MYO1D: variants seen among roughly 807,000 people sequenced by gnomAD.
MYO1D encodes the protein myosin ID.
Under a neutral mutation model 122.0 loss-of-function variants are expected in MYO1D, and 83 were observed. The ratio of observed to expected loss-of-function variants is 0.68; its 90% CI spans 0.57 to 0.82. The LOEUF (loss-of-function observed/expected upper bound fraction) is 0.82, where lower values mean the gene tolerates loss of function less well. MYO1D is among the 40% of genes least tolerant of loss of function. The pLI, the probability that MYO1D is intolerant of heterozygous loss-of-function variation, is 0.00. For missense variants in MYO1D, 1,157 were observed against 1,269.5 expected (o/e 0.91, Z 1.35); for synonymous variants, 464 against 446.9 (o/e 1.04, Z -0.48).
At chr17:32,706,674 T>C (rs1171246610) in intron 16 of MYO1D, among the ~76,000 whole-genome samples, 2 of 152,136 alleles carry the variant, frequency 1.3e-5, no homozygotes, top group African/African-American at 4.8e-5. Flanking sequence ...GACAAAATCA[T>C]GTACAAAAAT....
intron 20 of MYO1D, among the ~76,000 whole-genome samples, chr17:32,605,508 C>T (rs773360986): frequency 5.3e-5 from 8 of 151,698 alleles, no homozygotes; most frequent in African/African-American, 1.2e-4. Flanking sequence ...ATCAGTTTCA[C>T]GGAACAAGCA....
chr17:32,758,790 C>T (rs956432949), intron 10 of MYO1D, among the ~76,000 whole-genome samples: 22 of 152,152 alleles, frequency 1.4e-4, no homozygotes, highest in Non-Finnish European at 1.0e-4. Flanking sequence ...GTGGGGGGAT[C>T]TGCCATGTAG....
At chr17:32,531,879 C>T (rs1210510139) in intron 21 of MYO1D, among the ~76,000 whole-genome samples, 1 of 152,196 alleles carries the variant, frequency 6.6e-6, no homozygotes. Context: ...TATTATGTGT[C>T]ACTTTTTATG....
intron 21 of MYO1D, among the ~76,000 whole-genome samples, chr17:32,540,831 C>A (rs1567882578): frequency 6.7e-6 from 1 of 148,940 alleles, no homozygotes; most frequent in Non-Finnish European, 1.5e-5. Flanking sequence ...GAGGCTGAGG[C>A]AGGAGAATTG....
At chr17:32,626,522 T>A (rs944019635) in intron 20 of MYO1D, among the ~76,000 whole-genome samples, 1 of 152,214 alleles carries the variant, frequency 6.6e-6, no homozygotes, top group Admixed American at 6.5e-5. Context: ...CTTTTACATA[T>A]GAAATTGAAT....
At position 32,584,441 on chromosome 17, in the gene MYO1D, C is replaced by G. The variant is rs144245547; in HGVS notation, c.2864+20646G>C. ...ATTCTTTTACCATCTTAACTATTTT[C>G]AAGTATACAGTTCAGTAGTAATATT... On this transcript the variant is annotated intron_variant, in intron 21 of 21. Coordinates refer to ENST00000318217, the MANE Select transcript of MYO1D (RefSeq NM_015194.3). Among the ~76,000 whole-genome samples the G allele has an allele frequency of 3.6e-3, 543 of 151,974 alleles. 2 individuals carry two copies. The highest frequency in any genetic ancestry group is 5.8e-3 in the Non-Finnish European group (394 of 67,978).
chr17:32,841,998 A>G (rs2090887422), intron 1 of MYO1D, among the ~76,000 whole-genome samples: 1 of 152,242 alleles, frequency 6.6e-6, no homozygotes, highest in Non-Finnish European at 1.5e-5. Flanking sequence ...TAACGTCCAT[A>G]AATTTGAAGA....
Position 32,605,218 on chromosome 17 carries a change from A to G in MYO1D, c.2733T>C (p.Asn911=), listed in dbSNP as rs778356452. Residue 911 remains asparagine (N), a synonymous_variant, in exon 21 of 22, where the codon AAT becomes AAC. Transcript: ENST00000318217. Reference sequence around the variant, plus strand: ...GGAACACTACAAGTTGGTCCTTTCCATTGGAGACACTCAGACCAGTCAACT... The same window carrying G: ...GGAACACTACAAGTTGGTCCTTTCCGTTGGAGACACTCAGACCAGTCAACT... ...LYNLTGLSVS[N]GKDQLVVFHT... 8 of 1,583,612 alleles carry G rather than the reference A, an allele frequency of 5.1e-6. No homozygotes were observed. The African/African-American group carries it at 6.7e-5, about 13-fold the overall frequency.
At chr17:32,822,688 C>T (rs1598129536) in intron 1 of MYO1D, among the ~76,000 whole-genome samples, 1 of 150,050 alleles carries the variant, frequency 6.7e-6, no homozygotes, top group African/African-American at 2.4e-5. Flanking sequence ...CCGGCCCTCG[C>T]GCGTCCCTCC....
At chr17:32,571,856 C>T (rs940192388) in intron 21 of MYO1D, among the ~76,000 whole-genome samples, 7 of 152,132 alleles carry the variant, frequency 4.6e-5, no homozygotes, top group African/African-American at 1.7e-4. Context: ...AAGCAACAGT[C>T]CCTTAACCCA....
intron 16 of MYO1D, among the ~76,000 whole-genome samples, chr17:32,666,489 C>T (rs2088636940): frequency 1.3e-5 from 2 of 152,284 alleles, no homozygotes; most frequent in South Asian, 4.1e-4. Flanking sequence ...CCAGATGTTT[C>T]ATAATGCCAT....
intron 11 of MYO1D, among the ~76,000 whole-genome samples, chr17:32,753,041 T>C (rs2151011703): frequency 6.6e-6 from 1 of 152,248 alleles, no homozygotes; most frequent in Middle Eastern, 3.4e-3. Context: ...GACAAATGAT[T>C]GGATAGAAAG....
In MYO1D at chr17:32,876,918, C is replaced by A. The variant is rs1360754975; in HGVS notation, c.-46G>T. On this transcript the variant is annotated 5_prime_UTR_variant, in exon 1 of 22. Transcript: ENST00000318217. ...GGTGGGCGCGCTCGGGCCTCCGGGG[C>A]CGCTCCGTGGGCCCGCGATGAGCTC... 7 of 1,286,532 alleles carry A rather than the reference C, an allele frequency of 5.4e-6. No individual in the cohort carries two copies. The highest frequency in any genetic ancestry group is 3.0e-5 in the Admixed American group (1 of 32,956). 79.7% of individuals were successfully genotyped at this position (1,286,532 alleles called of 1,614,324 possible).
intron 1 of MYO1D, among the ~76,000 whole-genome samples, chr17:32,866,884 C>G (rs1161237219): frequency 6.6e-6 from 1 of 152,210 alleles, no homozygotes; most frequent in Non-Finnish European, 1.5e-5. Context: ...TCTACTTCAA[C>G]AAGGGTCTGC....
At chr17:32,866,723 G>A (rs1042558011) in intron 1 of MYO1D, among the ~76,000 whole-genome samples, 1 of 152,214 alleles carries the variant, frequency 6.6e-6, no homozygotes, top group African/African-American at 2.4e-5. Context: ...CAGACAATGT[G>A]GGGGAAAATA....
intron 16 of MYO1D, among the ~76,000 whole-genome samples, chr17:32,693,654 A>C (rs557786632): frequency 1.3e-5 from 2 of 152,218 alleles, no homozygotes; most frequent in African/African-American, 4.8e-5. Flanking sequence ...TAGTAATGAG[A>C]TATCACCCAG....
chr17:32,744,286 C>T (rs577707690), intron 13 of MYO1D, among the ~76,000 whole-genome samples: 1 of 152,320 alleles, frequency 6.6e-6, no homozygotes, highest in East Asian at 1.9e-4. Flanking sequence ...CAGGTCTCTG[C>T]TGAAATGTCA....
intron 21 of MYO1D, among the ~76,000 whole-genome samples, chr17:32,555,427 T>A (rs1394937293): frequency 6.6e-6 from 1 of 151,870 alleles, no homozygotes. Context: ...ATGTGAACAA[T>A]GGTTTGAATG....
At chr17:32,691,599 G>T (rs2150974264) in intron 16 of MYO1D, among the ~76,000 whole-genome samples, 1 of 151,954 alleles carries the variant, frequency 6.6e-6, no homozygotes, top group Non-Finnish European at 1.5e-5. Context: ...TTGAGACAGG[G>T]TTTCACCATG....
Sources: allele counts gnomAD v4.1 joint callset (sites outside exome capture counted in the v4.1 genomes callset), GRCh38; gene constraint gnomAD v4.1.1; transcripts MANE v1.5; gene names NCBI Gene and HGNC (gene_info 2026-07-23, HGNC 2026-07-21).